PARP11: variants seen among roughly 807,000 people sequenced by gnomAD.
PARP11 encodes poly(ADP-ribose) polymerase family member 11, also known as protein mono-ADP-ribosyltransferase PARP11.
Under a neutral mutation model 42.9 loss-of-function variants are expected in PARP11, and 31 were observed. That is an observed-to-expected ratio of 0.72 (90% confidence interval 0.54 to 0.98). The LOEUF is 0.98. Ranked by LOEUF, PARP11 falls within the 50% of genes least tolerant of loss-of-function variation. PARP11 has a pLI of 0.00. For synonymous variants in PARP11, 137 were observed against 127.3 expected (o/e 1.08, Z -0.51); for missense variants, 365 against 413.1 (o/e 0.88, Z 1.01).
At chr12:3,839,330 G>T in intron 1 of PARP11, 1 of 1,531,740 alleles carries the variant, frequency 6.5e-7, no homozygotes, top group Non-Finnish European at 8.7e-7. Context: ...GTCCCCGACG[G>T]CGAGGACCAG....
chr12:3,830,086 A>G (rs1947605459), intron 1 of PARP11, 68 bp from the exon 2 acceptor site: 9 of 1,434,426 alleles, frequency 6.3e-6, no homozygotes, highest in Non-Finnish European at 8.7e-6. Context: ...TTTACAGATC[A>G]TTTTACTTCT....
intron 1 of PARP11, chr12:3,841,676 A>C: frequency 6.2e-7 from 1 of 1,613,532 alleles, no homozygotes; most frequent in Non-Finnish European, 8.5e-7. Flanking sequence ...AGTGGCAAGA[A>C]TATGTTCCCC....
chr12:3,841,991 C>G (rs1947897780), intron 1 of PARP11: 21 of 1,610,920 alleles, frequency 1.3e-5, no homozygotes, highest in Non-Finnish European at 1.6e-5. Context: ...ACAGAGCAAT[C>G]TTCCCAGACA....
intron 1 of PARP11, among the ~76,000 whole-genome samples, chr12:3,833,289 C>T (rs2138053219): frequency 6.6e-6 from 1 of 152,238 alleles, no homozygotes; most frequent in Non-Finnish European, 1.5e-5. Flanking sequence ...CTCAGTGGAA[C>T]TGGCAAAACT....
intron 1 of PARP11, chr12:3,841,270 C>A (rs770249667): frequency 7.5e-7 from 1 of 1,336,044 alleles, no homozygotes; most frequent in Non-Finnish European, 1.1e-6. Context: ...GAATATTCTT[C>A]GATTCTTCTT....
At chr12:3,869,502 A>G (rs1948439748) in intron 1 of PARP11, among the ~76,000 whole-genome samples, 1 of 152,156 alleles carries the variant, frequency 6.6e-6, no homozygotes, top group Admixed American at 6.5e-5. Flanking sequence ...TGTCCCAGCC[A>G]CATAGGCTTC....
chr12:3,812,542 TA>T, intron 7 of PARP11, 103 bp from the exon 8 acceptor site: 1 of 773,824 alleles, frequency 1.3e-6, no homozygotes, highest in African/African-American at 1.8e-5. Flanking sequence ...AATTGTATAA[TA>T]AAAATAGATG....
intron 6 of PARP11, among the ~76,000 whole-genome samples, chr12:3,816,422 A>C (rs1947288360): frequency 6.6e-6 from 1 of 152,192 alleles, no homozygotes; most frequent in South Asian, 2.1e-4. Context: ...TCTTTGCGTA[A>C]GACTTTTTGT....
intron 1 of PARP11, among the ~76,000 whole-genome samples, chr12:3,834,601 T>A (rs1226985503): frequency 7.5e-6 from 1 of 133,850 alleles, no homozygotes; most frequent in Non-Finnish European, 1.5e-5. Flanking sequence ...ACCATTGCAC[T>A]CCAGCCTGGG....
intron 6 of PARP11, among the ~76,000 whole-genome samples, chr12:3,817,812 T>C (rs1032534043): frequency 6.6e-6 from 1 of 152,190 alleles, no homozygotes; most frequent in African/African-American, 2.4e-5. Context: ...ACACCTGTCA[T>C]CCTGCTGAAC....
rs980381421 is a variant in PARP11 at position 3,846,686 on chromosome 12, G to A, written c.19-16668C>T. On this transcript the variant is annotated intron_variant, in intron 1 of 7. Coordinates refer to ENST00000228820, the MANE Select transcript of PARP11 (RefSeq NM_020367.6). ...TCAGGAAAATGGCGTGAACCCAGGA[G>A]GCAGAGCTTGCAGTGAGCCAAGATT... Among the ~76,000 whole-genome samples, 8 of 151,820 alleles carry A rather than the reference G, an allele frequency of 5.3e-5. No homozygotes were observed. In the East Asian group the frequency reaches 1.2e-3, roughly 22 times the overall value.
At chr12:3,837,361 AG>A (rs1371976870) in intron 1 of PARP11, among the ~76,000 whole-genome samples, 7 of 152,234 alleles carry the variant, frequency 4.6e-5, no homozygotes, top group Non-Finnish European at 1.0e-4. Context: ...TAAATTACAA[AG>A]ATCTCTAATC....
At chr12:3,816,125 A>C (rs553404206) in intron 6 of PARP11, among the ~76,000 whole-genome samples, 69 of 152,354 alleles carry the variant, frequency 4.5e-4, no homozygotes, top group African/African-American at 1.6e-3. Context: ...TTCCTTTTTC[A>C]GAACTTTATG....
At chr12:3,851,021 A>G (rs969822404) in intron 1 of PARP11, among the ~76,000 whole-genome samples, 9 of 152,248 alleles carry the variant, frequency 5.9e-5, no homozygotes, top group African/African-American at 2.2e-4. Flanking sequence ...CATGCCACTT[A>G]ATAGTATGCT....
chr12:3,850,759 A>G (rs1048145048), intron 1 of PARP11, among the ~76,000 whole-genome samples: 9 of 151,874 alleles, frequency 5.9e-5, no homozygotes, highest in African/African-American at 2.2e-4. Flanking sequence ...ATTTATATTT[A>G]TCTACAAAAC....
At chr12:3,854,870 G>A (rs561469132) in intron 1 of PARP11, among the ~76,000 whole-genome samples, 28 of 152,188 alleles carry the variant, frequency 1.8e-4, no homozygotes, top group Admixed American at 1.3e-3. Context: ...GAACATCAAC[G>A]CAAAAATCCT....
Position 3,808,866 on chromosome 12 carries a change from C to A in PARP11, c.*3257G>T, listed in dbSNP as rs895131432. 1.3e-5 allele frequency: 2 copies of A among 152,144 alleles called. No individual in the cohort carries two copies. The highest frequency in any genetic ancestry group is 4.8e-5 in the African/African-American group (2 of 41,424). The allele number at this position is 152,144 out of a possible 1,614,324, so 9.4% of individuals were successfully genotyped here. On this transcript the variant is annotated 3_prime_UTR_variant, in exon 8 of 8. Transcript: ENST00000228820. The stretch of plus-strand genomic sequence containing the variant: ...GATATACACAGACAACCAAGAACTG[C>A]TAATGGAGAGCTTTAATCATCACAT...
intron 1 of PARP11, among the ~76,000 whole-genome samples, chr12:3,839,129 G>A (rs1464614484): frequency 1.3e-5 from 2 of 150,670 alleles, no homozygotes; most frequent in Non-Finnish European, 3.0e-5. Context: ...CTACGCGCCC[G>A]GAGAGCGCGG....
intron 4 of PARP11, among the ~76,000 whole-genome samples, chr12:3,825,811 C>G (rs886527562): frequency 6.6e-6 from 1 of 152,138 alleles, no homozygotes; most frequent in African/African-American, 2.4e-5. Context: ...ACTTCAAGCT[C>G]CGCCTCACGG....
Sources: allele counts gnomAD v4.1 joint callset (sites outside exome capture counted in the v4.1 genomes callset), GRCh38; gene constraint gnomAD v4.1.1; transcripts MANE v1.5; gene names NCBI Gene and HGNC (gene_info 2026-07-23, HGNC 2026-07-21).